PTPRD: variants seen among roughly 807,000 people sequenced by gnomAD.
PTPRD encodes protein tyrosine phosphatase receptor type D.
In PTPRD, 34 loss-of-function variants were observed where a neutral mutation model predicts 214.5. The observed-to-expected ratio is 0.16, with a 90% CI of 0.12 to 0.21. The LOEUF is 0.21. Ranked by LOEUF, PTPRD falls within the 10% of genes least tolerant of loss-of-function variation. The pLI, the probability that PTPRD is intolerant of heterozygous loss-of-function variation, is 1.00. For missense variants in PTPRD, 2,545 were observed against 2,398.7 expected (o/e 1.06, Z -1.27); for synonymous variants, 1,128 against 845.7 (o/e 1.33, Z -5.79).
intron 5 of PTPRD, among the ~76,000 whole-genome samples, chr9:9,841,822 G>A (rs1168553289): frequency 6.6e-6 from 1 of 151,934 alleles, no homozygotes; most frequent in African/African-American, 2.4e-5. Context: ...ATGTACCTTA[G>A]GTTAAATACT....
chr9:8,674,061 G>A (rs1448736450), intron 12 of PTPRD, among the ~76,000 whole-genome samples: 1 of 152,110 alleles, frequency 6.6e-6, no homozygotes, highest in Non-Finnish European at 1.5e-5. Context: ...CATTGCTGGA[G>A]CTAAGACGGA....
At chr9:8,879,735 G>A (rs1056106880) in intron 11 of PTPRD, among the ~76,000 whole-genome samples, 1 of 152,156 alleles carries the variant, frequency 6.6e-6, no homozygotes, top group Non-Finnish European at 1.5e-5. Flanking sequence ...TAACAATCTT[G>A]CATTGGGAAA....
At chr9:10,486,464 C>A (rs529889784) in intron 2 of PTPRD, among the ~76,000 whole-genome samples, 1 of 152,098 alleles carries the variant, frequency 6.6e-6, no homozygotes, top group Non-Finnish European at 1.5e-5. Context: ...TTGTTTTGGG[C>A]AGGTTTGTCA....
chr9:8,421,328 CCTTTTCTTTTT>C (rs1005417345), intron 35 of PTPRD, among the ~76,000 whole-genome samples: 1 of 142,612 alleles, frequency 7.0e-6, no homozygotes, highest in African/African-American at 2.5e-5. Flanking sequence ...TTCTTTCTTT[CCTTTTCTTTTT>C]CTTTTCTTTC....
intron 9 of PTPRD, among the ~76,000 whole-genome samples, chr9:9,303,122 G>A (rs564990046): frequency 3.9e-5 from 6 of 152,068 alleles, no homozygotes; most frequent in African/African-American, 1.4e-4. Flanking sequence ...CAATGAGGGA[G>A]ATAATTTGGA....
intron 44 of PTPRD, among the ~76,000 whole-genome samples, chr9:8,321,503 AT>A (rs1827892406): frequency 1.1e-5 from 1 of 88,794 alleles, no homozygotes; most frequent in Non-Finnish European, 2.1e-5. Flanking sequence ...ATATATATAT[AT>A]ATATATATAT....
rs550881603 is a variant in PTPRD at position 9,548,017 on chromosome 9, T to C, written c.-237+26715A>G. The stretch of plus-strand genomic sequence containing the variant: ...CAAAATCTTTCAAGAGTTGAAAGTG[T>C]AAAGAAAAACACTGCTGTCCAATAT... On this transcript the variant is annotated intron_variant, in intron 8 of 45. Coordinates refer to ENST00000381196, the MANE Select transcript of PTPRD (RefSeq NM_002839.4). Among the ~76,000 whole-genome samples the C allele has an allele frequency of 3.3e-5, 5 of 151,990 alleles. No individual in the cohort carries two copies. In the South Asian group the frequency reaches 1.0e-3, roughly 32 times the overall value.
rs1345139913 is a variant in PTPRD at position 9,550,133 on chromosome 9, G to T, written c.-237+24599C>A. On this transcript the variant is annotated intron_variant, in intron 8 of 45. Transcript: ENST00000381196. ...AACATGAATGGAATTCATCTTATCA[G>T]TTGAAGGCCTTAAGAGAAAAGACTT... 4.6e-5 allele frequency among the ~76,000 whole-genome samples: 7 copies of T among 151,980 alleles called. No individual in the cohort carries two copies. The South Asian group carries it at 1.2e-3, about 27-fold the overall frequency.
chr9:8,945,155 C>T (rs925370154), intron 11 of PTPRD, among the ~76,000 whole-genome samples: 2 of 151,682 alleles, frequency 1.3e-5, no homozygotes, highest in African/African-American at 4.8e-5. Flanking sequence ...TAAGGTTGAA[C>T]TCTGGATCGG....
intron 10 of PTPRD, among the ~76,000 whole-genome samples, chr9:9,107,327 G>T (rs557371437): frequency 9.4e-4 from 143 of 152,240 alleles, no homozygotes; most frequent in Non-Finnish European, 1.7e-3. Flanking sequence ...TCACACTGCT[G>T]GCGTTAAAAC....
intron 2 of PTPRD, among the ~76,000 whole-genome samples, chr9:10,507,642 T>C (rs1440348845): frequency 2.0e-5 from 3 of 151,830 alleles, no homozygotes; most frequent in Non-Finnish European, 4.4e-5. Context: ...AGAAATAATA[T>C]CACACATCTA....
chr9:9,931,256 C>T (rs1046451973), intron 5 of PTPRD, among the ~76,000 whole-genome samples: 1 of 152,176 alleles, frequency 6.6e-6, no homozygotes, highest in African/African-American at 2.4e-5. Context: ...CTCCGGTCTA[C>T]AGCTCCCAGC....
At chr9:8,553,442 G>GA (rs1397183322) in intron 14 of PTPRD, among the ~76,000 whole-genome samples, 1 of 152,124 alleles carries the variant, frequency 6.6e-6, no homozygotes, top group Non-Finnish European at 1.5e-5. Flanking sequence ...CTGATAAGTT[G>GA]AAGTAGTGGA....
chr9:8,514,002 C>A (rs2097734027), intron 21 of PTPRD, among the ~76,000 whole-genome samples: 1 of 152,010 alleles, frequency 6.6e-6, no homozygotes, highest in Non-Finnish European at 1.5e-5. Flanking sequence ...AATAACTATT[C>A]TAATATATCC....
intron 3 of PTPRD, among the ~76,000 whole-genome samples, chr9:10,326,307 C>T (rs1232718485): frequency 1.3e-5 from 2 of 151,714 alleles, no homozygotes; most frequent in African/African-American, 4.8e-5. Flanking sequence ...TTTTAGTAAT[C>T]TGACTATACA....
intron 8 of PTPRD, among the ~76,000 whole-genome samples, chr9:9,398,795 T>C (rs892559452): frequency 5.3e-5 from 8 of 151,838 alleles, no homozygotes; most frequent in Non-Finnish European, 8.9e-5. Context: ...CAGTGATAGA[T>C]TTGCTTTGGC....
At chr9:8,880,288 T>C (rs1224871727) in intron 11 of PTPRD, among the ~76,000 whole-genome samples, 2 of 152,280 alleles carry the variant, frequency 1.3e-5, no homozygotes, top group African/African-American at 4.8e-5. Flanking sequence ...GTCTGAGAGA[T>C]AAGAAGGGAT....
At chr9:9,529,042 T>C (rs1026062747) in intron 8 of PTPRD, among the ~76,000 whole-genome samples, 1 of 150,766 alleles carries the variant, frequency 6.6e-6, no homozygotes, top group African/African-American at 2.4e-5. Flanking sequence ...GGGTTCAAGC[T>C]CAGCCTCAGC....
At chr9:10,162,553 G>C (rs2099133535) in intron 3 of PTPRD, among the ~76,000 whole-genome samples, 1 of 150,468 alleles carries the variant, frequency 6.6e-6, no homozygotes, top group African/African-American at 2.4e-5. Context: ...AGGGTAGAGA[G>C]TAGAAGGGGT....
Sources: allele counts gnomAD v4.1 joint callset (sites outside exome capture counted in the v4.1 genomes callset), GRCh38; gene constraint gnomAD v4.1.1; transcripts MANE v1.5; gene names NCBI Gene and HGNC (gene_info 2026-07-23, HGNC 2026-07-21).